Variants in NFKB1 observed in about 807,000 individuals in gnomAD.
The protein encoded by NFKB1 is nuclear factor kappa B subunit 1.
NFKB1 carries 9 observed loss-of-function variants against 105.1 expected under a neutral mutation model. That is an observed-to-expected ratio of 0.09 (90% CI 0.05 to 0.15). The LOEUF (loss-of-function observed/expected upper bound fraction) is 0.15, where lower values mean the gene tolerates loss of function less well. Ranked by LOEUF, NFKB1 falls within the 10% of genes least tolerant of loss-of-function variation. The pLI, the probability that NFKB1 is intolerant of heterozygous loss-of-function variation, is 1.00. For missense variants in NFKB1, 830 were observed against 1,203.7 expected (o/e 0.69, Z 4.59); for synonymous variants, 440 against 442.2 (o/e 1.00, Z 0.06).
chr4:102,512,623 G>A (rs1216753487), intron 1 of NFKB1, among the ~76,000 whole-genome samples: 2 of 152,216 alleles, frequency 1.3e-5, no homozygotes, highest in Admixed American at 6.5e-5. Context: ...GGGATTATAG[G>A]TGTGAGCCAC....
intron 7 of NFKB1, chr4:102,578,637 G>A: frequency 3.9e-6 from 2 of 509,736 alleles, no homozygotes; most frequent in South Asian, 3.4e-5. Context: ...GGAGGGAGGC[G>A]ATCTGATACA....
chr4:102,612,493 C>G lies in NFKB1; in HGVS notation c.2479C>G (p.Pro827Ala). 1.9e-6 allele frequency: 3 copies of G among 1,613,918 alleles called. No individual in the cohort carries two copies. In the South Asian group the frequency reaches 3.3e-5, roughly 18 times the overall value. The change falls in exon 22 of 24, where the codon CCT (proline) becomes GCT (alanine). Residue 827 changes from proline to alanine, a missense_variant. Transcript: ENST00000226574. ...KLQLYKLLEIPDPDKNWATLA... is the reference protein window; with the variant it reads ...KLQLYKLLEIADPDKNWATLA... The stretch of plus-strand genomic sequence containing the variant: ...GCAGCTGTATAAGTTACTAGAAATT[C>G]CTGATCCAGACAAAAACTGGGCTAC...
rs189779820 is a variant in NFKB1 at position 102,553,101 on chromosome 4, T to G, written c.259-13886T>G. On this transcript the variant is annotated intron_variant, in intron 5 of 23. Transcript: ENST00000226574. ...TTGAAATGCTCTTTATCTTATGTAC[T>G]TTCCTTCTGAAGAAAGGGACAGTTA... is the stretch of plus-strand genomic sequence containing the variant. Among the ~76,000 whole-genome samples, 182 of 152,306 alleles carry G rather than the reference T, an allele frequency of 1.2e-3. 1 individual carries two copies. Among genetic ancestry groups the G allele is most frequent in the Admixed American group, 2.6e-3 (40 of 15,284 alleles).
chr4:102,525,630 A>G, intron 2 of NFKB1, 73 bp downstream of exon 2: 1 of 1,342,454 alleles, frequency 7.4e-7, no homozygotes, highest in Non-Finnish European at 1.0e-6. Context: ...AGGCAACATT[A>G]GTAAGTTAGC....
intron 10 of NFKB1, among the ~76,000 whole-genome samples, chr4:102,583,799 ATTATCTGG>A (rs1560695221): frequency 4.6e-5 from 7 of 151,960 alleles, no homozygotes; most frequent in Non-Finnish European, 1.0e-4. Context: ...TTTACAAGTA[ATTATCTGG>A]ATTGGAAACA....
At chr4:102,557,172 CAA>C (rs746756118) in intron 5 of NFKB1, 1 of 152,106 alleles carries the variant, frequency 6.6e-6, no homozygotes, top group Non-Finnish European at 1.5e-5. Context: ...TCATTAAAGT[CAA>C]GAGAGAATCT....
chr4:102,576,906 A>G lies in NFKB1; in HGVS notation c.438A>G (p.Thr146=). ...GFANLGILHV[T]KKKVFETLEA... The stretch of plus-strand genomic sequence containing the variant: ...CAAACCTGGGTATACTTCATGTGAC[A>G]AAGAAAAAAGTATTTGAAACACTGG... Residue 146 remains threonine, a synonymous_variant, in exon 7 of 24, where the codon ACA becomes ACG. Coordinates refer to ENST00000226574, the MANE Select transcript of NFKB1 (RefSeq NM_003998.4). 1 of 1,613,264 alleles carries G rather than the reference A, an allele frequency of 6.2e-7. No homozygotes were observed. Among genetic ancestry groups the G allele is most frequent in the East Asian group, 2.2e-5 (1 of 44,856 alleles).
intron 10 of NFKB1, among the ~76,000 whole-genome samples, chr4:102,584,293 T>C (rs1725543432): frequency 6.6e-6 from 1 of 152,198 alleles, no homozygotes; most frequent in Non-Finnish European, 1.5e-5. Context: ...GCCATCTCTC[T>C]CTTTCCATAC....
At chr4:102,569,238 A>G (rs1180307377) in intron 6 of NFKB1, among the ~76,000 whole-genome samples, 2 of 152,130 alleles carry the variant, frequency 1.3e-5, no homozygotes, top group African/African-American at 4.8e-5. Context: ...CCAGTATTTT[A>G]TTCCCAGTAC....
rs563220847 is a variant in NFKB1 at position 102,509,682 on chromosome 4, G to A, written c.-8+7894G>A. Among the ~76,000 whole-genome samples, 13 of 152,252 alleles carry A rather than the reference G, an allele frequency of 8.5e-5. No homozygotes were observed. In the East Asian group the frequency reaches 2.5e-3, roughly 29 times the overall value. ...AGGGAATGCGGTTGTTAGCCTGTTAGGGTCCATTCAGTAGATTTCTCATGC... is the reference window on the plus strand; with the variant it reads ...AGGGAATGCGGTTGTTAGCCTGTTAAGGTCCATTCAGTAGATTTCTCATGC... On this transcript the variant is annotated intron_variant, in intron 1 of 23. Transcript: ENST00000226574.
chr4:102,577,760 G>A lies in NFKB1; in HGVS notation c.571+721G>A, dbSNP rs190286599. The A allele has an allele frequency of 2.3e-5, 22 of 946,002 alleles. No homozygotes were observed. In the African/African-American group the frequency reaches 3.0e-4, roughly 13 times the overall value. 58.6% of individuals were successfully genotyped at this position (946,002 alleles called of 1,614,324 possible). On this transcript the variant is annotated intron_variant, in intron 7 of 23. Coordinates refer to ENST00000226574, the MANE Select transcript of NFKB1 (RefSeq NM_003998.4). The stretch of plus-strand genomic sequence containing the variant: ...CCATCCTCACTGACTCCCCCTCCTC[G>A]CCTGTGCTGCGAGGCTGTGGTCCAG...
chr4:102,508,480 G>A (rs4647967), intron 1 of NFKB1, among the ~76,000 whole-genome samples: 16 of 152,074 alleles, frequency 1.1e-4, no homozygotes, highest in South Asian at 4.1e-4. Flanking sequence ...ATTGATTTAC[G>A]TAAAATCAAA....
Position 102,501,798 on chromosome 4 carries a change from A to C in NFKB1, c.-8+10A>C, listed in dbSNP as rs1052355024. ...CGGACTCGCCACCCGGGTAAGCCAAACTCGGGCGAGTGGGGGCCCGGCAGG... is the reference window on the plus strand; with the variant it reads ...CGGACTCGCCACCCGGGTAAGCCAACCTCGGGCGAGTGGGGGCCCGGCAGG... On this transcript the variant is annotated intron_variant, in intron 1 of 23. Coordinates refer to ENST00000226574, the MANE Select transcript of NFKB1 (RefSeq NM_003998.4). The C allele has an allele frequency of 6.6e-6, 1 of 152,274 alleles. No homozygotes were observed. The highest frequency in any genetic ancestry group is 1.5e-5 in the Non-Finnish European group (1 of 68,168). The allele number at this position is 152,274 out of a possible 1,614,324, so 9.4% of individuals were successfully genotyped here. A position where few individuals can be genotyped will look rare whatever the true frequency, so the allele number is the denominator to read the frequency against.
At chr4:102,538,760 CA>C (rs1253683863) in intron 5 of NFKB1, among the ~76,000 whole-genome samples, 1 of 152,160 alleles carries the variant, frequency 6.6e-6, no homozygotes, top group Non-Finnish European at 1.5e-5. Flanking sequence ...ACGCAGTCAA[CA>C]ATTGTAATTT....
At chr4:102,609,856 T>G (rs1179895382) in intron 19 of NFKB1, among the ~76,000 whole-genome samples, 1 of 152,140 alleles carries the variant, frequency 6.6e-6, no homozygotes, top group Non-Finnish European at 1.5e-5. Flanking sequence ...AACAAGTTCC[T>G]CCCTCAAAAA....
intron 16 of NFKB1, among the ~76,000 whole-genome samples, chr4:102,603,306 C>T (rs1019974760): frequency 6.6e-6 from 1 of 152,104 alleles, no homozygotes; most frequent in African/African-American, 2.4e-5. Context: ...CTCCTGATCT[C>T]GTAATCTGCC....
intron 1 of NFKB1, among the ~76,000 whole-genome samples, chr4:102,514,553 C>T (rs200537154): frequency 6.6e-6 from 1 of 152,160 alleles, no homozygotes; most frequent in Non-Finnish European, 1.5e-5. Flanking sequence ...GTTGCCAGAA[C>T]TGTGAGAAAT....
At chr4:102,571,231 G>T in intron 6 of NFKB1, among the ~76,000 whole-genome samples, 1 of 152,146 alleles carries the variant, frequency 6.6e-6, no homozygotes, top group Non-Finnish European at 1.5e-5. Flanking sequence ...CAAGAAATGG[G>T]GAAAGGATTC....
At chr4:102,554,746 A>G (rs148998310) in intron 5 of NFKB1, among the ~76,000 whole-genome samples, 1 of 152,198 alleles carries the variant, frequency 6.6e-6, no homozygotes, top group East Asian at 1.9e-4. Context: ...ATGTGAGATC[A>G]CACAGGGCCA....
Sources: allele counts gnomAD v4.1 joint callset (sites outside exome capture counted in the v4.1 genomes callset), GRCh38; gene constraint gnomAD v4.1.1; transcripts MANE v1.5; gene names NCBI Gene and HGNC (gene_info 2026-07-23, HGNC 2026-07-21).